Variants in GNB5 observed in about 807,000 individuals in gnomAD.
GNB5 encodes the protein guanine nucleotide-binding protein subunit beta-5.
Under a neutral mutation model 55.3 loss-of-function variants are expected in GNB5, and 37 were observed. That is an observed-to-expected ratio of 0.67 (90% CI 0.51 to 0.88). The LOEUF is 0.88. Ranked by LOEUF, GNB5 falls within the 40% of genes least tolerant of loss-of-function variation. The pLI, the probability that GNB5 is intolerant of heterozygous loss-of-function variation, is 0.00. For missense variants in GNB5, 476 were observed against 515.3 expected, an observed-to-expected ratio of 0.92 and a Z score of 0.74; for synonymous variants, 219 against 198.5, an observed-to-expected ratio of 1.10 and a Z score of -0.87.
intron 7 of GNB5, 40 bp from the exon 8 acceptor site, chr15:52,135,796 AT>A (rs772506733): frequency 1.1e-5 from 17 of 1,600,822 alleles, no homozygotes; most frequent in African/African-American, 1.4e-5. Context: ...GGTTGTGGTT[AT>A]TGCTTATGCC....
intron 3 of GNB5, among the ~76,000 whole-genome samples, chr15:52,157,827 T>C (rs1344092487): frequency 1.3e-5 from 2 of 151,864 alleles, no homozygotes; most frequent in Non-Finnish European, 2.9e-5. Context: ...ACCCACTCCA[T>C]CCTGTTTCTA....
chr15:52,124,357 C>A (rs117055290), intron 12 of GNB5, 116 bp downstream of exon 12: 3 of 763,176 alleles, frequency 3.9e-6, no homozygotes, highest in East Asian at 2.6e-5. Flanking sequence ...GAGAGCTCGG[C>A]GAGGCTGACC....
intron 8 of GNB5, 143 bp downstream of exon 8, chr15:52,135,470 G>C (rs1055315023): frequency 8.0e-6 from 6 of 751,086 alleles, no homozygotes; most frequent in African/African-American, 7.1e-5. Flanking sequence ...GCAGGAGCTG[G>C]GGGTTTAGTG....
chr15:52,180,165 A>G (rs533643462), intron 2 of GNB5: 297 of 237,504 alleles, frequency 1.3e-3, no homozygotes, highest in Non-Finnish European at 2.0e-3. Context: ...ACTGTGGCTT[A>G]GGGATGCTGG....
chr15:52,180,652 G>A (rs2034754332), intron 2 of GNB5: 1 of 152,232 alleles, frequency 6.6e-6, no homozygotes, highest in East Asian at 1.9e-4. Context: ...CAGGCATCTC[G>A]GACCTCTCAC....
intron 7 of GNB5, chr15:52,138,052 C>A (rs144278396): frequency 1.2e-6 from 1 of 822,878 alleles, no homozygotes; most frequent in Non-Finnish European, 1.8e-6. Flanking sequence ...CTCTCCTCCT[C>A]ACCCTTTGCC....
chr15:52,163,072 C>T (rs1310591633), intron 3 of GNB5, among the ~76,000 whole-genome samples: 6 of 152,020 alleles, frequency 3.9e-5, no homozygotes, highest in African/African-American at 1.5e-4. Flanking sequence ...ACCCGGGGGG[C>T]AACACTGAGC....
rs77767486 is a variant in GNB5, at chr15:52,162,183, G to A, written c.239-8107C>T. On this transcript the variant is annotated intron_variant, in intron 3 of 12. Transcript: ENST00000261837. ...TTAAAGGTGAATGCATATCTCCTCGGAGCCTGCACCCTGCTCTGTAAAATG... is the reference window on the plus strand; with the variant it reads ...TTAAAGGTGAATGCATATCTCCTCGAAGCCTGCACCCTGCTCTGTAAAATG... 5.0e-3 allele frequency among the ~76,000 whole-genome samples: 765 copies of A among 152,290 alleles called. 18 individuals carry two copies. Among genetic ancestry groups the A allele is most frequent in the Admixed American group, 0.026 (390 of 15,292 alleles).
chr15:52,180,933 A>C (rs1222084931), intron 2 of GNB5: 1 of 152,250 alleles, frequency 6.6e-6, no homozygotes, highest in African/African-American at 2.4e-5. Flanking sequence ...AAAGAGGGAG[A>C]GACAGGATTT....
chr15:52,176,337 T>C (rs2034650167), intron 3 of GNB5, among the ~76,000 whole-genome samples: 1 of 152,220 alleles, frequency 6.6e-6, no homozygotes, highest in East Asian at 1.9e-4. Flanking sequence ...TATTCGACTT[T>C]GCTAAGCCTG....
intron 9 of GNB5, among the ~76,000 whole-genome samples, chr15:52,133,107 A>G (rs1163253348): frequency 2.6e-5 from 4 of 152,230 alleles, no homozygotes; most frequent in African/African-American, 7.2e-5. Flanking sequence ...AATATCTAGC[A>G]TATAAATACT....
chr15:52,138,256 G>A (rs939695552), intron 7 of GNB5, among the ~76,000 whole-genome samples: 3 of 151,864 alleles, frequency 2.0e-5, no homozygotes, highest in Non-Finnish European at 2.9e-5. Context: ...AGTGGCTCAC[G>A]CCTGTTGTCC....
chr15:52,170,864 G>C (rs1196625818), intron 3 of GNB5, among the ~76,000 whole-genome samples: 1 of 152,048 alleles, frequency 6.6e-6, no homozygotes, highest in Non-Finnish European at 1.5e-5. Flanking sequence ...CCAGCACTTT[G>C]AGAGGCTGAG....
chr15:52,161,609 T>C (rs1464959541), intron 3 of GNB5, among the ~76,000 whole-genome samples: 1 of 152,172 alleles, frequency 6.6e-6, no homozygotes, highest in African/African-American at 2.4e-5. Flanking sequence ...CCATACCTCT[T>C]CGAGGTAGCC....
chr15:52,189,261 C>G (rs1432042645), intron 1 of GNB5, among the ~76,000 whole-genome samples: 1 of 152,060 alleles, frequency 6.6e-6, no homozygotes, highest in African/African-American at 2.4e-5. Flanking sequence ...ACCATAAGAC[C>G]CCGCAATCCT....
At chr15:52,123,223 C>T (rs2141179906) in intron 12 of GNB5, among the ~76,000 whole-genome samples, 1 of 152,318 alleles carries the variant, frequency 6.6e-6, no homozygotes, top group Admixed American at 6.5e-5. Flanking sequence ...TATCCTAACA[C>T]TAGACTACTC....
intron 3 of GNB5, among the ~76,000 whole-genome samples, chr15:52,164,720 C>A (rs1047712742): frequency 3.9e-5 from 6 of 152,188 alleles, no homozygotes; most frequent in African/African-American, 1.4e-4. Context: ...TCAGCAACCT[C>A]AAAGACTTAA....
chr15:52,180,303 G>C (rs1486329760), intron 2 of GNB5: 1 of 154,042 alleles, frequency 6.5e-6, no homozygotes, highest in Non-Finnish European at 1.4e-5. Context: ...CTCTCGTGCA[G>C]ATCTCCGCTC....
intron 2 of GNB5, among the ~76,000 whole-genome samples, chr15:52,183,332 A>ATG (rs2034798960): frequency 1.9e-5 from 1 of 52,952 alleles, no homozygotes; most frequent in African/African-American, 5.1e-5. Context: ...TTAATAAATA[A>ATG]TGGGGGGGGG....
Sources: allele counts gnomAD v4.1 joint callset (sites outside exome capture counted in the v4.1 genomes callset), GRCh38; gene constraint gnomAD v4.1.1; transcripts MANE v1.5; gene names NCBI Gene and HGNC (gene_info 2026-07-23, HGNC 2026-07-21).